Variants in OSBPL1A observed in about 807,000 individuals in gnomAD.
OSBPL1A encodes the protein oxysterol-binding protein-related protein 1.
In OSBPL1A, 80 loss-of-function variants were observed where a neutral mutation model predicts 137.1. That is an observed-to-expected ratio of 0.58 (90% CI 0.49 to 0.70). The LOEUF (loss-of-function observed/expected upper bound fraction) is 0.70. Ranked by LOEUF, OSBPL1A falls within the 30% of genes least tolerant of loss-of-function variation. The probability of loss-of-function intolerance (pLI) is 0.00; values close to 1 mark genes in which losing one functional copy is unlikely to be tolerated. For missense variants in OSBPL1A, 970 were observed against 1,129.4 expected, an observed-to-expected ratio of 0.86 and a Z score of 2.02; for synonymous variants, 365 against 389.7, an observed-to-expected ratio of 0.94 and a Z score of 0.75.
intron 4 of OSBPL1A, among the ~76,000 whole-genome samples, chr18:24,347,477 G>A (rs776737620): frequency 2.0e-5 from 3 of 152,116 alleles, no homozygotes; most frequent in African/African-American, 7.2e-5. Context: ...AAGCCACAGC[G>A]CCCGGCCGTA....
intron 16 of OSBPL1A, among the ~76,000 whole-genome samples, chr18:24,236,398 T>TAG (rs2088477286): frequency 6.6e-6 from 1 of 152,152 alleles, no homozygotes; most frequent in African/African-American, 2.4e-5. Flanking sequence ...GGCTGGTGTG[T>TAG]AGAGACTACA....
intron 13 of OSBPL1A, 90 bp from the exon 14 acceptor site, chr18:24,303,808 CAT>C (rs958905894): frequency 2.5e-4 from 267 of 1,064,162 alleles, no homozygotes; most frequent in Non-Finnish European, 2.6e-4. Context: ...ACTTTCAGTA[CAT>C]AGATTGATAT....
chr18:24,233,530 T>G (rs528238436), intron 16 of OSBPL1A, among the ~76,000 whole-genome samples: 94 of 152,336 alleles, frequency 6.2e-4, no homozygotes, highest in Admixed American at 9.1e-4. Context: ...TGACATTTCT[T>G]CAACAACCTG....
At chr18:24,170,228 A>G in intron 24 of OSBPL1A, 99 bp downstream of exon 24, 2 of 1,371,264 alleles carry the variant, frequency 1.5e-6, no homozygotes, top group South Asian at 1.4e-5. Flanking sequence ...AAGGAAGAAG[A>G]AAGTTAAACT....
chr18:24,289,399 C>A (rs1157521647), intron 14 of OSBPL1A, among the ~76,000 whole-genome samples: 1 of 140,548 alleles, frequency 7.1e-6, no homozygotes, highest in Non-Finnish European at 1.6e-5. Context: ...TCATTCCAGA[C>A]TGTTTATTGT....
At chr18:24,248,457 C>T (rs575663924) in intron 15 of OSBPL1A, among the ~76,000 whole-genome samples, 17 of 152,200 alleles carry the variant, frequency 1.1e-4, no homozygotes, top group African/African-American at 3.9e-4. Context: ...GCATTGCCAT[C>T]TTCTTCAACC....
chr18:24,377,671 T>C, intron 1 of OSBPL1A, 136 bp from the exon 2 acceptor site: 5 of 907,234 alleles, frequency 5.5e-6, no homozygotes, highest in Non-Finnish European at 8.0e-6. Context: ...AATAAATCCG[T>C]TGCAGGGTGA....
intron 4 of OSBPL1A, among the ~76,000 whole-genome samples, chr18:24,363,377 C>T (rs182491321): frequency 2.6e-5 from 4 of 152,112 alleles, no homozygotes; most frequent in East Asian, 1.9e-4. Flanking sequence ...GCAGAAACAC[C>T]GTATCTCTCT....
At chr18:24,167,261 G>A (rs981845407) in intron 25 of OSBPL1A, 68 bp downstream of exon 25, 74 of 1,438,188 alleles carry the variant, frequency 5.1e-5, no homozygotes, top group African/African-American at 1.1e-4. Flanking sequence ...GACCCTACAC[G>A]TGCCAGGAAA....
At chr18:24,196,685 A>AT (rs924728191) in intron 17 of OSBPL1A, among the ~76,000 whole-genome samples, 29 of 152,272 alleles carry the variant, frequency 1.9e-4, no homozygotes, top group African/African-American at 7.0e-4. Context: ...AAGCCAAAGT[A>AT]TTTTTAAAAA....
intron 7 of OSBPL1A, among the ~76,000 whole-genome samples, chr18:24,329,464 C>T (rs987049194): frequency 5.6e-4 from 85 of 150,984 alleles, no homozygotes; most frequent in Admixed American, 5.3e-4. Context: ...GCAGGAGAAT[C>T]GCTTGAACCC....
chr18:24,256,964 C>CAAAAAAAAAAAAAAAAAAAAAAA (rs201880387), intron 15 of OSBPL1A, among the ~76,000 whole-genome samples: 1 of 29,514 alleles, frequency 3.4e-5, no homozygotes, highest in East Asian at 1.1e-3. Flanking sequence ...GAAGAGGATG[C>CAAAAAAAAAAAAAAAAAAAAAAA]AAAAAAAAAA....
rs1002672284 is a variant in OSBPL1A, at chr18:24,271,694, T to C, written c.1281+9148A>G. On this transcript the variant is annotated intron_variant, in intron 15 of 27. Coordinates refer to ENST00000319481, the MANE Select transcript of OSBPL1A (RefSeq NM_080597.4). This position sits in a 1 kb window ranked among gnomAD's most constrained non-coding sequence, Gnocchi z 4.0. ...CTCGCAAGCTCCAGCGCGAATGCGC[T>C]CGGCCTGCTCCTCCTCCTCCCCTCC... 3.0e-6 allele frequency: 3 copies of C among 985,652 alleles called. No homozygotes were observed. The African/African-American group carries it at 5.2e-5, about 17-fold the overall frequency. 61.1% of individuals were successfully genotyped at this position (985,652 alleles called of 1,614,324 possible). A position where few individuals can be genotyped will look rare whatever the true frequency, so the allele number is the denominator to read the frequency against.
chr18:24,239,695 T>A (rs778385930), intron 15 of OSBPL1A, among the ~76,000 whole-genome samples: 3 of 152,038 alleles, frequency 2.0e-5, no homozygotes, highest in Non-Finnish European at 2.9e-5. Flanking sequence ...TTTTTAAACA[T>A]AAAGAATATT....
intron 11 of OSBPL1A, among the ~76,000 whole-genome samples, chr18:24,316,704 T>C (rs1417468466): frequency 6.6e-6 from 1 of 152,170 alleles, no homozygotes; most frequent in African/African-American, 2.4e-5. Flanking sequence ...CAGCAACTGA[T>C]ACAACCACTA....
chr18:24,181,173 G>A lies in OSBPL1A; in HGVS notation c.1784C>T (p.Ser595Leu), dbSNP rs2086597334. ...EHTYLIHKAS[S>L]LSDPVERMQC... The stretch of plus-strand genomic sequence containing the variant: ...CATCCTTTCCACAGGATCAGAGAGT[G>A]AACTGGCCTTGTGGATGAGGTAAGT... Residue 595 changes from serine to leucine, a missense_variant, in exon 19 of 28, where the codon TCA becomes TTA. Ser to Leu is a moderately radical substitution (Grantham distance 145, BLOSUM62 -2). This residue lies in a region of OSBPL1A where 323 missense variants were observed against 456.8 expected (regional missense o/e 0.71). Transcript: ENST00000319481. 6.2e-7 allele frequency: 1 copy of A among 1,614,098 alleles called. No homozygotes were observed. Among genetic ancestry groups the A allele is most frequent in the Admixed American group, 1.7e-5 (1 of 60,012 alleles).
intron 9 of OSBPL1A, among the ~76,000 whole-genome samples, chr18:24,317,800 G>A (rs2090764017): frequency 6.6e-6 from 1 of 152,010 alleles, no homozygotes; most frequent in South Asian, 2.1e-4. Context: ...ATAGATTAAG[G>A]GATTGCTTGC....
chr18:24,168,752 T>C (rs528931798), intron 24 of OSBPL1A, among the ~76,000 whole-genome samples: 8 of 152,066 alleles, frequency 5.3e-5, no homozygotes, highest in South Asian at 4.2e-4. Flanking sequence ...CAGAAATCCA[T>C]GGTAGGCAGA....
intron 4 of OSBPL1A, among the ~76,000 whole-genome samples, chr18:24,352,845 G>T (rs1045213886): frequency 2.2e-4 from 34 of 152,064 alleles, no homozygotes; most frequent in African/African-American, 7.5e-4. Context: ...AATGGTGCTG[G>T]GAAAACTGGC....
Sources: allele counts gnomAD v4.1 joint callset (sites outside exome capture counted in the v4.1 genomes callset), GRCh38; gene constraint gnomAD v4.1.1; regional missense constraint gnomAD v4.1.1; non-coding constraint Gnocchi (gnomAD v3.1); transcripts MANE v1.5; gene names NCBI Gene and HGNC (gene_info 2026-07-23, HGNC 2026-07-21).